The following HMCN1 variants were observed in gnomAD, a reference collection of about 807,000 sequenced individuals.
The protein encoded by HMCN1 is hemicentin-1.
A neutral mutation model predicts 625.9 loss-of-function variants in HMCN1; 321 were observed. The observed-to-expected ratio is 0.51, with a 90% CI of 0.47 to 0.56. The LOEUF is 0.56. Among genes scored for constraint, HMCN1 ranks in the 20% least tolerant of loss-of-function variants. HMCN1 has a pLI of 0.00. For missense variants in HMCN1, 6,588 were observed against 6,887.3 expected, an observed-to-expected ratio of 0.96 and a Z score of 1.54; for synonymous variants, 2,425 against 2,417.6, an observed-to-expected ratio of 1.00 and a Z score of -0.09.
intron 1 of HMCN1, among the ~76,000 whole-genome samples, chr1:185,740,552 G>A (rs74133274): frequency 1.3e-5 from 2 of 152,128 alleles, no homozygotes; most frequent in Non-Finnish European, 2.9e-5. Context: ...CAATGTGTCA[G>A]TGTTGGGAGG....
intron 39 of HMCN1, 61 bp from the exon 40 acceptor site, chr1:186,040,952 A>G (rs1159078868): frequency 1.3e-6 from 2 of 1,584,408 alleles, no homozygotes; most frequent in Non-Finnish European, 1.7e-6. Context: ...AAGAGAAAAA[A>G]TCTATTACAC....
rs1649638993 is a variant in HMCN1 at position 186,136,864 on chromosome 1, T to A, written c.13509T>A (p.Asp4503Glu). ...SLYIADAQKE[D>E]TSEFECVARN... ...ATATTGCTGATGCTCAGAAAGAAGA[T>A]ACCTCTGAATTTGAATGTGTTGCTC... Residue 4503 changes from aspartate to glutamate, a missense_variant, in exon 87 of 107, where the codon GAT (aspartate) becomes GAA (glutamate). By Grantham distance (45) the Asp-to-Glu change is conservative. This residue lies in a region of HMCN1 where 1,954 missense variants were observed against 2,013.1 expected (regional missense o/e 0.97). Transcript: ENST00000271588. The A allele has an allele frequency of 1.2e-6, 2 of 1,614,060 alleles. No individual in the cohort carries two copies. The highest frequency in any genetic ancestry group is 1.7e-6 in the Non-Finnish European group (2 of 1,179,966).
intron 1 of HMCN1, among the ~76,000 whole-genome samples, chr1:185,810,416 A>G (rs927216721): frequency 2.6e-5 from 4 of 152,194 alleles, no homozygotes; most frequent in African/African-American, 7.2e-5. Context: ...ATTCACAGAC[A>G]TCACATTAAT....
chr1:185,928,753 C>A, intron 10 of HMCN1, 86 bp downstream of exon 10: 75 of 1,372,276 alleles, frequency 5.5e-5, no homozygotes, highest in Middle Eastern at 1.9e-4. Context: ...TGTGTTTATA[C>A]AATTGTCTTT....
At chr1:185,908,579 G>T (rs769164645) in intron 4 of HMCN1, among the ~76,000 whole-genome samples, 14 of 151,938 alleles carry the variant, frequency 9.2e-5, no homozygotes, top group African/African-American at 2.9e-4. Flanking sequence ...ACTTTCTATG[G>T]ATTCAAAGTT....
intron 85 of HMCN1, 64 bp downstream of exon 85, chr1:186,130,761 G>T: frequency 7.4e-7 from 1 of 1,346,024 alleles, no homozygotes; most frequent in South Asian, 1.2e-5. Flanking sequence ...CTCTGTGAGT[G>T]CCATAGATAA....
At chr1:185,906,059 T>G (rs1480833890) in intron 4 of HMCN1, among the ~76,000 whole-genome samples, 1 of 151,788 alleles carries the variant, frequency 6.6e-6, no homozygotes, top group African/African-American at 2.4e-5. Context: ...GTTTTATTCT[T>G]TTTTCTTTAT....
intron 1 of HMCN1, among the ~76,000 whole-genome samples, chr1:185,817,986 A>C (rs1659946915): frequency 6.6e-6 from 1 of 152,150 alleles, no homozygotes; most frequent in South Asian, 2.1e-4. Context: ...TTCCTCCACC[A>C]ACTGTCCATC....
At position 185,734,752 on chromosome 1, in the gene HMCN1, G is replaced by T. The variant is rs1331837869; in HGVS notation, c.-28G>T. On this transcript the variant is annotated 5_prime_UTR_variant, in exon 1 of 107. Transcript: ENST00000271588. ...CTGAGCACAGTGCTTAGGCGCTGAG[G>T]GGGAAAAAGAGGGGGAAAAAAAAGA... 15 of 1,612,736 alleles carry T rather than the reference G, an allele frequency of 9.3e-6. No homozygotes were observed. The highest frequency in any genetic ancestry group is 1.2e-5 in the Non-Finnish European group (14 of 1,179,290).
At chr1:186,107,401 G>C (rs112072667) in intron 70 of HMCN1, among the ~76,000 whole-genome samples, 204 of 152,220 alleles carry the variant, frequency 1.3e-3, no homozygotes, top group African/African-American at 4.7e-3. Flanking sequence ...TAAAATAATA[G>C]AATATAAACT....
intron 89 of HMCN1, among the ~76,000 whole-genome samples, chr1:186,139,243 A>T (rs376365456): frequency 1.3e-5 from 2 of 152,368 alleles, no homozygotes; most frequent in South Asian, 2.1e-4. Flanking sequence ...TGATCTAATT[A>T]TGAAGCTTAT....
Position 186,093,254 on chromosome 1 carries a change from C to G in HMCN1, c.10008C>G (p.Val3336=), listed in dbSNP as rs1659944146. ...AAGACCGAATTTTTAACTTGAATGT[C>G]TATGGTAAATATGAAATATCCCCCT... ...GEEDRIFNLN[V]YVTPTIRGNK... Residue 3336 remains valine, a synonymous_variant, in exon 65 of 107, where the codon GTC becomes GTG. Coordinates refer to ENST00000271588, the MANE Select transcript of HMCN1 (RefSeq NM_031935.3). The G allele has an allele frequency of 3.1e-6, 5 of 1,613,124 alleles. No individual in the cohort carries two copies. The highest frequency in any genetic ancestry group is 2.2e-5 in the East Asian group (1 of 44,854).
chr1:186,074,386 C>CA (rs58246228), intron 52 of HMCN1, among the ~76,000 whole-genome samples: 152,059 of 152,060 alleles, frequency 1, 76,029 homozygotes, highest in Non-Finnish European at 1. Context: ...TTATAAAAGA[C>CA]TGCTTTTTAA....
intron 1 of HMCN1, among the ~76,000 whole-genome samples, chr1:185,770,652 A>G (rs1210713852): frequency 6.6e-6 from 1 of 152,230 alleles, no homozygotes; most frequent in Non-Finnish European, 1.5e-5. Context: ...TCTTCAGCCC[A>G]ATAAACTGTT....
rs150324442 is a variant in HMCN1 at position 185,735,984 on chromosome 1, C to A, written c.268+937C>A. On this transcript the variant is annotated intron_variant, in intron 1 of 106. Transcript: ENST00000271588. ...AGTCCTCCCCCACTGTTCTCCCACA[C>A]TTTTCCTGCTTTTGAAATTCTCCCT... Among the ~76,000 whole-genome samples, 516 of 152,328 alleles carry A rather than the reference C, an allele frequency of 3.4e-3. 4 individuals are homozygous for A. Among genetic ancestry groups the A allele is most frequent in the Non-Finnish European group, 5.9e-3 (400 of 68,024 alleles).
At chr1:185,996,185 T>C (rs1206891893) in intron 24 of HMCN1, among the ~76,000 whole-genome samples, 1 of 152,166 alleles carries the variant, frequency 6.6e-6, no homozygotes, top group Non-Finnish European at 1.5e-5. Flanking sequence ...TATGAGCTTT[T>C]AACAGAAAGA....
At chr1:185,793,289 G>A (rs1443276923) in intron 1 of HMCN1, among the ~76,000 whole-genome samples, 1 of 152,150 alleles carries the variant, frequency 6.6e-6, no homozygotes, top group Non-Finnish European at 1.5e-5. Flanking sequence ...AGGCTGGAGG[G>A]GTAAATCCAT....
At chr1:186,114,974 G>T in intron 74 of HMCN1, 28 bp downstream of exon 74, 1 of 1,613,924 alleles carries the variant, frequency 6.2e-7, no homozygotes, top group Non-Finnish European at 8.5e-7. Flanking sequence ...GACAACATCC[G>T]GTCTCTGTGT....
chr1:186,057,465 T>C (rs2102294925), intron 46 of HMCN1, 64 bp downstream of exon 46: 1 of 1,132,942 alleles, frequency 8.8e-7, no homozygotes, highest in East Asian at 2.4e-5. Context: ...TTCTCCTTAA[T>C]TTCAAATTGC....
Sources: gnomAD v4.1 joint callset for allele counts (sites outside exome capture counted in the v4.1 genomes callset) on GRCh38, gnomAD v4.1.1 for gene constraint, gnomAD v4.1.1 regional missense constraint, MANE v1.5 for transcripts, NCBI Gene and HGNC (gene_info 2026-07-23, HGNC 2026-07-21) for gene names.